Variants in ZNF385D observed in about 807,000 individuals in gnomAD.
The protein encoded by ZNF385D is zinc finger protein 385D.
Under a neutral mutation model 35.8 loss-of-function variants are expected in ZNF385D, and 15 were observed. The observed-to-expected ratio is 0.42, with a 90% CI of 0.28 to 0.64. The LOEUF (loss-of-function observed/expected upper bound fraction) is 0.64. ZNF385D is among the 30% of genes least tolerant of loss of function. ZNF385D has a pLI of 0.23. For missense variants in ZNF385D, 474 were observed against 494.6 expected, an observed-to-expected ratio of 0.96 and a Z score of 0.39; for synonymous variants, 212 against 186.8, an observed-to-expected ratio of 1.13 and a Z score of -1.10.
At chr3:22,192,690 A>G (rs771348851) in intron 2 of ZNF385D, among the ~76,000 whole-genome samples, 1 of 152,072 alleles carries the variant, frequency 6.6e-6, no homozygotes, top group African/African-American at 2.4e-5. Context: ...ACCTCAGCAA[A>G]TGCTTCCTAA....
chr3:21,414,175 T>A lies in ZNF385D; in HGVS notation c.*7039A>T, dbSNP rs1700530094. Reference sequence around the variant, plus strand: ...ACCTAGGCTTTTATTTAATAAAAATTGCTGTGGATTTACAAAACAAAACAA... The same window carrying A: ...ACCTAGGCTTTTATTTAATAAAAATAGCTGTGGATTTACAAAACAAAACAA... On this transcript the variant is annotated 3_prime_UTR_variant, in exon 8 of 8. Transcript: ENST00000281523. 6.6e-6 allele frequency: 1 copy of A among 151,482 alleles called. No homozygotes were observed. The highest frequency in any genetic ancestry group is 1.5e-5 in the Non-Finnish European group (1 of 67,976). The allele number at this position is 151,482 out of a possible 1,614,324, so 9.4% of individuals were successfully genotyped here. A position where few individuals can be genotyped will look rare whatever the true frequency, so the allele number is the denominator to read the frequency against.
At chr3:21,726,790 T>C (rs989509097) in intron 1 of ZNF385D, among the ~76,000 whole-genome samples, 1 of 152,104 alleles carries the variant, frequency 6.6e-6, no homozygotes, top group Admixed American at 6.6e-5. Context: ...CAAGCTACCA[T>C]TGACTTTCTT....
intron 1 of ZNF385D, among the ~76,000 whole-genome samples, chr3:21,723,281 A>G (rs2068616059): frequency 6.6e-6 from 1 of 152,196 alleles, no homozygotes; most frequent in Non-Finnish European, 1.5e-5. Flanking sequence ...GCAAGGAAAC[A>G]AAACTGCATG....
upstream of ZNF385D, among the ~76,000 whole-genome samples, chr3:21,752,819 TA>T (rs1390503461): frequency 2.6e-5 from 4 of 152,094 alleles, no homozygotes; most frequent in African/African-American, 9.7e-5. Flanking sequence ...AGAAAATGCG[TA>T]AATGTTTTTT....
At chr3:22,179,161 T>C (rs574124328) in intron 2 of ZNF385D, among the ~76,000 whole-genome samples, 1 of 152,306 alleles carries the variant, frequency 6.6e-6, no homozygotes, top group Admixed American at 6.5e-5. Flanking sequence ...ATGGAATCTA[T>C]AAATTACTTT....
At chr3:21,609,100 CTAAA>C (rs1275668313) in intron 2 of ZNF385D, among the ~76,000 whole-genome samples, 1 of 152,106 alleles carries the variant, frequency 6.6e-6, no homozygotes, top group African/African-American at 2.4e-5. Context: ...TAGAATTGTG[CTAAA>C]TAACTTCTTT....
intron 2 of ZNF385D, among the ~76,000 whole-genome samples, chr3:22,213,756 C>T (rs908832421): frequency 1.3e-5 from 2 of 152,000 alleles, no homozygotes; most frequent in Non-Finnish European, 2.9e-5. Context: ...GACATACTAT[C>T]TCATCAGCAC....
chr3:21,781,846 C>G (rs1003887848), intron 3 of ZNF385D, among the ~76,000 whole-genome samples: 1 of 151,970 alleles, frequency 6.6e-6, no homozygotes, highest in Non-Finnish European at 1.5e-5. Context: ...AAATAATTGA[C>G]CACTCTAGCA....
intron 3 of ZNF385D, among the ~76,000 whole-genome samples, chr3:21,546,457 G>C (rs1052122541): frequency 1.3e-5 from 2 of 152,002 alleles, no homozygotes; most frequent in Non-Finnish European, 2.9e-5. Flanking sequence ...AGTTAGATGG[G>C]TATGTCACAA....
intron 2 of ZNF385D, among the ~76,000 whole-genome samples, chr3:22,240,509 A>T (rs1387558597): frequency 6.6e-6 from 1 of 150,822 alleles, no homozygotes; most frequent in Non-Finnish European, 1.5e-5. Flanking sequence ...TTCTAATTGG[A>T]TGTGGACTAT....
intron 3 of ZNF385D, among the ~76,000 whole-genome samples, chr3:21,834,087 A>G (rs1695172094): frequency 6.6e-6 from 1 of 152,204 alleles, no homozygotes; most frequent in Admixed American, 6.5e-5. Context: ...GTGGACAATA[A>G]GAAAAAAAGG....
intron 3 of ZNF385D, among the ~76,000 whole-genome samples, chr3:22,151,699 C>T (rs920828384): frequency 2.0e-5 from 3 of 152,078 alleles, no homozygotes; most frequent in Non-Finnish European, 2.9e-5. Context: ...CAAAGTCCAG[C>T]GATGGAAATG....
chr3:21,436,694 C>G, intron 5 of ZNF385D: 1 of 357,716 alleles, frequency 2.8e-6, no homozygotes, highest in East Asian at 4.4e-5. Flanking sequence ...CATATAAATG[C>G]AAAACACATT....
intron 3 of ZNF385D, among the ~76,000 whole-genome samples, chr3:21,776,273 A>T (rs2125625036): frequency 6.6e-6 from 1 of 152,018 alleles, no homozygotes; most frequent in South Asian, 2.1e-4. Flanking sequence ...TTCCTTGGAT[A>T]AAGCCTTGAA....
chr3:22,273,308 C>T (rs1701271431), intron 2 of ZNF385D, among the ~76,000 whole-genome samples: 1 of 151,970 alleles, frequency 6.6e-6, no homozygotes, highest in Non-Finnish European at 1.5e-5. Context: ...AAACTAGTAA[C>T]ATGAATAATG....
intron 2 of ZNF385D, among the ~76,000 whole-genome samples, chr3:22,362,403 C>A (rs914751847): frequency 2.0e-5 from 3 of 151,936 alleles, no homozygotes; most frequent in Non-Finnish European, 2.9e-5. Context: ...CACCAAATTC[C>A]GTAGGAACTG....
chr3:21,975,085 G>GA (rs1703511215), intron 3 of ZNF385D, among the ~76,000 whole-genome samples: 1 of 152,178 alleles, frequency 6.6e-6, no homozygotes, highest in Non-Finnish European at 1.5e-5. Flanking sequence ...CCAAAAGAGA[G>GA]AAAATCAGTA....
rs114911794 is a variant in ZNF385D, at chr3:21,764,614, C to A, written c.326-99586G>T. On this transcript the variant is annotated intron_variant, in intron 3 of 5. Transcript: ENST00000494108. ...TCTAGTTGGAAATCACCAATCCAACCACTTTTAGAGTAAATTAATGTTTTT... is the reference window on the plus strand; with the variant it reads ...TCTAGTTGGAAATCACCAATCCAACAACTTTTAGAGTAAATTAATGTTTTT... 4.5e-3 allele frequency among the ~76,000 whole-genome samples: 678 copies of A among 152,214 alleles called. 5 individuals are homozygous for A. Among genetic ancestry groups the A allele is most frequent in the African/African-American group, 0.016 (653 of 41,566 alleles).
At chr3:22,235,451 G>A (rs980957156) in intron 2 of ZNF385D, among the ~76,000 whole-genome samples, 2 of 152,014 alleles carry the variant, frequency 1.3e-5, no homozygotes, top group African/African-American at 2.4e-5. Context: ...CAAAATGAAA[G>A]ATCAATAGAA....
Sources: allele counts gnomAD v4.1 joint callset (sites outside exome capture counted in the v4.1 genomes callset), GRCh38; gene constraint gnomAD v4.1.1; transcripts MANE v1.5; gene names NCBI Gene and HGNC (gene_info 2026-07-23, HGNC 2026-07-21).